The following PLEKHG1 variants were observed in gnomAD, a reference collection of about 807,000 sequenced individuals.
PLEKHG1 encodes pleckstrin homology and RhoGEF domain containing G1.
In PLEKHG1, 44 loss-of-function variants were observed where a neutral mutation model predicts 100.8. The ratio of observed to expected loss-of-function variants is 0.44; its 90% CI spans 0.34 to 0.56. The LOEUF (loss-of-function observed/expected upper bound fraction) is 0.56. Among genes scored for constraint, PLEKHG1 ranks in the 20% least tolerant of loss-of-function variants. The pLI is 0.01. For synonymous variants in PLEKHG1, 640 were observed against 662.5 expected (o/e 0.97, Z 0.52); for missense variants, 1,545 against 1,720.9 (o/e 0.90, Z 1.81).
chr6:150,649,751 G>C (rs1169000392), intron 2 of PLEKHG1, among the ~76,000 whole-genome samples: 3 of 149,940 alleles, frequency 2.0e-5, no homozygotes, highest in African/African-American at 4.9e-5. Context: ...GTGGCTCATG[G>C]CTGTAATCCC....
intron 15 of PLEKHG1, among the ~76,000 whole-genome samples, chr6:150,835,625 C>T (rs980440979): frequency 2.6e-5 from 4 of 152,190 alleles, no homozygotes; most frequent in African/African-American, 9.7e-5. Flanking sequence ...GGAGCCTCAA[C>T]TCAGCTGACT....
At chr6:150,817,809 G>A (rs146671994) in intron 10 of PLEKHG1, among the ~76,000 whole-genome samples, 5,914 of 151,994 alleles carry the variant, frequency 0.039, 184 homozygotes, top group Admixed American at 0.059. Flanking sequence ...TGATCTGCCC[G>A]CCTCAGCCTC....
In PLEKHG1 at chr6:150,831,242, G is replaced by A. The variant is rs548057201; in HGVS notation, c.2131G>A (p.Gly711Ser). The A allele has an allele frequency of 2.5e-6, 4 of 1,614,094 alleles. No individual in the cohort carries two copies. In the African/African-American group the frequency reaches 4.0e-5, roughly 16 times the overall value. Residue 711 changes from glycine (G) to serine (S), a missense_variant, in exon 15 of 16, where the codon GGC becomes AGC. Gly to Ser is a moderately conservative substitution (Grantham distance 56). Transcript: ENST00000358517. The surrounding 1 kb of genome is among the most constrained non-coding windows in gnomAD (Gnocchi z 4.1). The stretch of plus-strand genomic sequence containing the variant: ...AAAGAGGCAAGCTGGCCACAGTAAG[G>A]GCTCTCTTTACGCACAAACAGATGG...
chr6:150,617,876 G>A (rs1255413344), intron 1 of PLEKHG1, among the ~76,000 whole-genome samples: 1 of 152,116 alleles, frequency 6.6e-6, no homozygotes, highest in Admixed American at 6.5e-5. Flanking sequence ...GGTCTTAAGG[G>A]GAGCAAGAAT....
intron 3 of PLEKHG1, among the ~76,000 whole-genome samples, chr6:150,673,716 A>G (rs982809191): frequency 6.7e-6 from 1 of 149,938 alleles, no homozygotes; most frequent in Non-Finnish European, 1.5e-5. Flanking sequence ...GCTGGAGTGC[A>G]GTGGCACAAT....
At chr6:150,693,493 G>A (rs1019651062) in intron 3 of PLEKHG1, among the ~76,000 whole-genome samples, 11 of 152,098 alleles carry the variant, frequency 7.2e-5, no homozygotes, top group African/African-American at 2.4e-4. Context: ...ATTGCCCTTG[G>A]AATAATCTCT....
rs111812701 is a variant in PLEKHG1, at chr6:150,683,728, G to A, written c.-99+32942G>A. 9.1e-5 allele frequency: 110 copies of A among 1,203,942 alleles called. No individual in the cohort carries two copies. The highest frequency in any genetic ancestry group is 6.8e-4 in the Middle Eastern group (3 of 4,414). 74.6% of individuals were successfully genotyped at this position (1,203,942 alleles called of 1,614,324 possible). Reference sequence around the variant, plus strand: ...TGAGTTGACACACGGACCCCTCTGCGCTAGTATCCAGGGCATAGGACGTCT... The same window carrying A: ...TGAGTTGACACACGGACCCCTCTGCACTAGTATCCAGGGCATAGGACGTCT... On this transcript the variant is annotated intron_variant, in intron 3 of 3. Transcript: ENST00000367326. This position sits in a 1 kb window ranked among gnomAD's most constrained non-coding sequence, Gnocchi z 4.0.
intron 2 of PLEKHG1, among the ~76,000 whole-genome samples, chr6:150,638,757 A>C (rs575358537): frequency 6.6e-6 from 1 of 152,336 alleles, no homozygotes; most frequent in Admixed American, 6.5e-5. Context: ...TTTATGTTCC[A>C]AAAATCAGTT....
chr6:150,813,812 C>T (rs56837245), intron 10 of PLEKHG1, among the ~76,000 whole-genome samples: 6,893 of 151,992 alleles, frequency 0.045, 361 homozygotes, highest in East Asian at 0.15. Flanking sequence ...AGGAAAAGGT[C>T]ATTAGAAAGT....
intron 4 of PLEKHG1, among the ~76,000 whole-genome samples, chr6:150,790,464 G>A (rs549516777): frequency 1.3e-5 from 2 of 152,298 alleles, no homozygotes; most frequent in Non-Finnish European, 2.9e-5. Context: ...CATAACTGTA[G>A]GAAAAGAAAA....
At chr6:150,789,354 C>T (rs1415512210) in intron 4 of PLEKHG1, among the ~76,000 whole-genome samples, 1 of 152,208 alleles carries the variant, frequency 6.6e-6, no homozygotes, top group African/African-American at 2.4e-5. Flanking sequence ...TATTTAATAA[C>T]TAATGGTATC....
At position 150,683,716 on chromosome 6, in the gene PLEKHG1, G is replaced by A. The variant is rs1338812513; in HGVS notation, c.-99+32930G>A. The A allele has an allele frequency of 1.2e-5, 13 of 1,086,436 alleles. No individual in the cohort carries two copies. Among genetic ancestry groups the A allele is most frequent in the East Asian group, 1.2e-4 (2 of 16,828 alleles). The allele number at this position is 1,086,436 out of a possible 1,614,324, so 67.3% of individuals were successfully genotyped here. A position where few individuals can be genotyped will look rare whatever the true frequency, so the allele number is the denominator to read the frequency against. ...CAACTTGAACCCTGAGTTGACACAC[G>A]GACCCCTCTGCGCTAGTATCCAGGG... On this transcript the variant is annotated intron_variant, in intron 3 of 3. Transcript: ENST00000367326. The surrounding 1 kb of genome is among the most constrained non-coding windows in gnomAD (Gnocchi z 4.0).
chr6:150,693,208 A>C (rs1293060608), intron 3 of PLEKHG1, among the ~76,000 whole-genome samples: 1 of 152,240 alleles, frequency 6.6e-6, no homozygotes, highest in South Asian at 2.1e-4. Flanking sequence ...GAATCACTTG[A>C]ACCTGGGAGG....
At chr6:150,698,019 A>G (rs1052033979) in intron 3 of PLEKHG1, among the ~76,000 whole-genome samples, 3 of 151,994 alleles carry the variant, frequency 2.0e-5, no homozygotes, top group African/African-American at 7.3e-5. Context: ...AAACAAGTAG[A>G]TCAGTTGTAA....
intron 3 of PLEKHG1, among the ~76,000 whole-genome samples, chr6:150,783,372 CTTTT>C (rs201678941): frequency 7.2e-6 from 1 of 138,886 alleles, no homozygotes; most frequent in Non-Finnish European, 1.6e-5. Context: ...AGAGATTCTT[CTTTT>C]TTTTTTTTTT....
intron 1 of PLEKHG1, among the ~76,000 whole-genome samples, chr6:150,722,990 A>G (rs1435907004): frequency 6.6e-6 from 1 of 151,852 alleles, no homozygotes; most frequent in African/African-American, 2.4e-5. Context: ...CCTTTGAAAA[A>G]CTCGGTGATA....
chr6:150,753,823 G>T (rs1159866918), intron 2 of PLEKHG1, among the ~76,000 whole-genome samples: 1 of 152,210 alleles, frequency 6.6e-6, no homozygotes, highest in Admixed American at 6.5e-5. Context: ...CTGGGAGCAA[G>T]GGAGGAATGT....
At chr6:150,704,784 C>T (rs1399066058) in intron 3 of PLEKHG1, among the ~76,000 whole-genome samples, 1 of 152,212 alleles carries the variant, frequency 6.6e-6, no homozygotes, top group Non-Finnish European at 1.5e-5. Context: ...TTCTCATAGT[C>T]CTGGTGGTTG....
chr6:150,753,292 G>T (rs1297628189), intron 2 of PLEKHG1, among the ~76,000 whole-genome samples: 2 of 152,096 alleles, frequency 1.3e-5, no homozygotes, highest in African/African-American at 4.8e-5. Flanking sequence ...AGGACATTGT[G>T]GGGTGGGTGT....
Sources: gnomAD v4.1 joint callset for allele counts (sites outside exome capture counted in the v4.1 genomes callset) on GRCh38, gnomAD v4.1.1 for gene constraint, Gnocchi (gnomAD v3.1) non-coding constraint, MANE v1.5 for transcripts, NCBI Gene and HGNC (gene_info 2026-07-23, HGNC 2026-07-21) for gene names.